Variants in RYR2 observed in about 807,000 individuals in gnomAD.
The protein encoded by RYR2 is ryanodine receptor 2, also known as cardiac muscle ryanodine receptor-calcium release channel.
A neutral mutation model predicts 601.1 loss-of-function variants in RYR2; 227 were observed. That is an observed-to-expected ratio of 0.38 (90% CI 0.34 to 0.42). The LOEUF (loss-of-function observed/expected upper bound fraction) is 0.42, where lower values mean the gene tolerates loss of function less well. Ranked by LOEUF, RYR2 falls within the 10% of genes least tolerant of loss-of-function variation. RYR2 has a pLI of 1.00. For synonymous variants in RYR2, 2,223 were observed against 2,175.1 expected, an observed-to-expected ratio of 1.02 and a Z score of -0.61; for missense variants, 4,646 against 6,156.5, an observed-to-expected ratio of 0.75 and a Z score of 8.21.
intron 1 of RYR2, among the ~76,000 whole-genome samples, chr1:237,269,826 A>G (rs945676111): frequency 1.3e-5 from 2 of 152,178 alleles, no homozygotes; most frequent in African/African-American, 4.8e-5. Flanking sequence ...GTATTGAGTC[A>G]TTCTAATTTT....
intron 104 of RYR2, among the ~76,000 whole-genome samples, 180 bp downstream of exon 104, chr1:237,831,745 T>C (rs1007955249): frequency 6.6e-6 from 1 of 152,238 alleles, no homozygotes; most frequent in African/African-American, 2.4e-5. Flanking sequence ...TTTGTTAAAG[T>C]AGAATTCTGT....
chr1:237,616,337 A>G (rs986878389), intron 37 of RYR2, among the ~76,000 whole-genome samples: 35 of 152,194 alleles, frequency 2.3e-4, no homozygotes, highest in African/African-American at 8.4e-4. Context: ...CAACATACTC[A>G]CTCAGTTATA....
At chr1:237,509,987 A>G (rs1425657292) in intron 23 of RYR2, among the ~76,000 whole-genome samples, 1 of 152,218 alleles carries the variant, frequency 6.6e-6, no homozygotes, top group Non-Finnish European at 1.5e-5. Context: ...AAGCCAGGCC[A>G]TGTATGCAGG....
chr1:237,269,196 C>T (rs769669497), intron 1 of RYR2, among the ~76,000 whole-genome samples: 7 of 151,412 alleles, frequency 4.6e-5, no homozygotes, highest in Admixed American at 1.3e-4. Flanking sequence ...GCATGTGCCA[C>T]CACGCCCAGC....
intron 10 of RYR2, among the ~76,000 whole-genome samples, chr1:237,413,516 T>A (rs1704641259): frequency 6.6e-6 from 1 of 152,188 alleles, no homozygotes; most frequent in African/African-American, 2.4e-5. Context: ...ATATTATTCA[T>A]GCTATTTGTA....
At chr1:237,418,106 G>T (rs988061070) in intron 11 of RYR2, among the ~76,000 whole-genome samples, 1 of 152,130 alleles carries the variant, frequency 6.6e-6, no homozygotes, top group Non-Finnish European at 1.5e-5. Context: ...GCAGTGGCGC[G>T]ATCTCGGTTC....
chr1:237,232,834 C>A (rs1685143404), intron 1 of RYR2, among the ~76,000 whole-genome samples: 1 of 152,138 alleles, frequency 6.6e-6, no homozygotes, highest in African/African-American at 2.4e-5. Flanking sequence ...GGGAGAAACC[C>A]TCACATATTT....
At chr1:237,645,358 C>T (rs1342835) in intron 48 of RYR2, among the ~76,000 whole-genome samples, 112,919 of 152,096 alleles carry the variant, frequency 0.74, 42,348 homozygotes, top group South Asian at 0.91. Context: ...ACAGTTTCTT[C>T]TCCTTGTGCA....
chr1:237,619,154 A>T (rs548519207), intron 38 of RYR2, among the ~76,000 whole-genome samples: 3 of 152,342 alleles, frequency 2.0e-5, no homozygotes, highest in African/African-American at 2.4e-5. Context: ...TCAATTAAAA[A>T]TCATGTGTGT....
intron 17 of RYR2, among the ~76,000 whole-genome samples, chr1:237,480,802 C>T (rs1661979525): frequency 6.6e-6 from 1 of 152,118 alleles, no homozygotes; most frequent in Non-Finnish European, 1.5e-5. Flanking sequence ...GCAAATGCAT[C>T]CACGATATTC....
chr1:237,164,999 G>A (rs1266632702), intron 1 of RYR2, among the ~76,000 whole-genome samples: 2 of 149,980 alleles, frequency 1.3e-5, no homozygotes, highest in Admixed American at 6.6e-5. Flanking sequence ...TAAGAGACAC[G>A]GTCTCACTCT....
chr1:237,769,878 C>T (rs1208596550), intron 84 of RYR2, among the ~76,000 whole-genome samples: 7 of 151,484 alleles, frequency 4.6e-5, no homozygotes, highest in African/African-American at 1.7e-4. Context: ...CACTTTCTGT[C>T]TTGAAAATCA....
chr1:237,792,356 TGTGTGTGTGTGTGTGTGTGTGTGTGC>T (rs755266847), intron 94 of RYR2, 33 bp downstream of exon 94: 11 of 569,212 alleles, frequency 1.9e-5, no homozygotes, highest in Middle Eastern at 5.3e-4. Context: ...TACCTGTGTG[TGTGTGTGTGTGTGTGTGTGTGTGTGC>T]GTGTGTGTGT....
At position 237,723,195 on chromosome 1, in the gene RYR2, C is replaced by A. The variant is rs1169415432; in HGVS notation, c.10622C>A (p.Thr3541Asn). 7 of 1,610,118 alleles carry A rather than the reference C, an allele frequency of 4.3e-6. No individual in the cohort carries two copies. The highest frequency in any genetic ancestry group is 5.9e-6 in the Non-Finnish European group (7 of 1,176,784). ...YKDLPNRTDD[T>N]SDPEKTVERV... ...GACTTACCAAACAGGACTGATGATA[C>A]CTCAGATCCAGAGAAGACGGTAGAA... Residue 3541 changes from threonine (T) to asparagine (N), a missense_variant, in exon 74 of 105, where the codon ACC becomes AAC. Coordinates refer to ENST00000366574, the MANE Select transcript of RYR2 (RefSeq NM_001035.3).
chr1:237,112,743 C>T (rs1669635971), intron 1 of RYR2, among the ~76,000 whole-genome samples: 1 of 152,132 alleles, frequency 6.6e-6, no homozygotes. Context: ...TTTATCTCCC[C>T]ATGAGGATGT....
At chr1:237,343,624 G>C (rs1053869015) in intron 3 of RYR2, among the ~76,000 whole-genome samples, 1 of 152,002 alleles carries the variant, frequency 6.6e-6, no homozygotes, top group Non-Finnish European at 1.5e-5. Flanking sequence ...TGGAAGTTTT[G>C]TTTCTAATAG....
chr1:237,487,316 T>G (rs2150391045), intron 17 of RYR2, among the ~76,000 whole-genome samples: 1 of 152,248 alleles, frequency 6.6e-6, no homozygotes, highest in East Asian at 1.9e-4. Flanking sequence ...TACCTATTCC[T>G]TTTTTTATTT....
intron 1 of RYR2, among the ~76,000 whole-genome samples, chr1:237,154,364 C>G (rs1310177532): frequency 6.6e-6 from 1 of 152,164 alleles, no homozygotes; most frequent in African/African-American, 2.4e-5. Context: ...GTGCAGGCAG[C>G]CTGAGATATG....
chr1:237,543,406 T>C (rs1669502815), intron 25 of RYR2, among the ~76,000 whole-genome samples: 1 of 152,248 alleles, frequency 6.6e-6, no homozygotes, highest in African/African-American at 2.4e-5. Context: ...ATTTGTTTTC[T>C]GGAGAATGAT....
Sources: gnomAD v4.1 joint callset for allele counts (sites outside exome capture counted in the v4.1 genomes callset) on GRCh38, gnomAD v4.1.1 for gene constraint, MANE v1.5 for transcripts, NCBI Gene and HGNC (gene_info 2026-07-23, HGNC 2026-07-21) for gene names.